TBX22: variants seen among roughly 807,000 people sequenced by gnomAD.
TBX22 encodes T-box transcription factor TBX22.
In TBX22, 8 loss-of-function variants were observed where a neutral mutation model predicts 30.1. That is an observed-to-expected ratio of 0.27 (90% CI 0.16 to 0.48). The LOEUF (loss-of-function observed/expected upper bound fraction) is 0.48. Ranked by LOEUF, TBX22 falls within the 20% of genes least tolerant of loss-of-function variation. TBX22 has a pLI of 0.99. For missense variants in TBX22, 463 were observed against 400.5 expected (o/e 1.16, Z -1.33); for synonymous variants, 173 against 149.1 (o/e 1.16, Z -1.17).
chrX:80,017,005 C>CAAAAAAA (rs1270817239), intron 1 of TBX22, among the ~76,000 whole-genome samples: 6 of 29,274 alleles, frequency 2.0e-4, no homozygotes, highest in East Asian at 1.4e-3. Flanking sequence ...GATTCTGTCT[C>CAAAAAAA]AAAAAAAAAA....
At chrX:80,022,782 A>G (rs1306931444) in intron 2 of TBX22, 3 of 404,128 alleles carry the variant, frequency 7.4e-6, no homozygotes, top group Admixed American at 4.4e-5. Context: ...AGTCTCGGTT[A>G]TCAACGTCTC....
intron 5 of TBX22, 140 bp from the exon 6 acceptor site, chrX:80,026,564 G>A: frequency 1.6e-6 from 1 of 638,430 alleles, no homozygotes; most frequent in East Asian, 3.3e-5. Flanking sequence ...CTCTGTTGGA[G>A]GCCAAATGGC....
At chrX:80,022,683 T>A in intron 2 of TBX22, 2 of 439,090 alleles carry the variant, frequency 4.6e-6, no homozygotes, top group East Asian at 3.8e-5. Flanking sequence ...ATCCTCCTCC[T>A]ACCTTCGCGG....
At position 80,028,934 on chromosome X, in the gene TBX22, T is replaced by C. The variant is rs751294968; in HGVS notation, c.949+858T>C. On this transcript the variant is annotated intron_variant, in intron 8 of 8. Transcript: ENST00000373296. ...GAAATATTTCACTGGAATGGCTGTCTTGATGTGGTTTAGGGAATTGCATGA... is the reference window on the plus strand; with the variant it reads ...GAAATATTTCACTGGAATGGCTGTCCTGATGTGGTTTAGGGAATTGCATGA... 4.0e-5 allele frequency among the ~76,000 whole-genome samples: 4 copies of C among 99,880 alleles called. No individual in the cohort carries two copies. In the South Asian group the frequency reaches 2.0e-3, roughly 50 times the overall value. The allele number at this position is 99,880 out of a possible 115,157, so 86.7% of individuals were successfully genotyped here.
At chrX:80,023,922 T>A in intron 3 of TBX22, 141 bp from the exon 4 acceptor site, 1 of 539,674 alleles carries the variant, frequency 1.9e-6, no homozygotes, top group Non-Finnish European at 3.2e-6. Flanking sequence ...ATGTAGCAAA[T>A]GCTATTCCTT....
rs760626449 is a variant in TBX22 at position 80,025,559 on chromosome X, G to C, written c.459-44G>C. The C allele has an allele frequency of 1.3e-5, 15 of 1,124,074 alleles. No individual in the cohort carries two copies. The South Asian group carries it at 2.7e-4, about 20-fold the overall frequency. 92.6% of individuals were successfully genotyped at this position (1,124,074 alleles called of 1,213,427 possible). A position where few individuals can be genotyped will look rare whatever the true frequency, so the allele number is the denominator to read the frequency against. On this transcript the variant is annotated intron_variant, in intron 4 of 8. Coordinates refer to ENST00000373296, the MANE Select transcript of TBX22 (RefSeq NM_001109878.2). ...CAGGAACAGAACACAACAGCTCCCA[G>C]CTTTGGCCTGCTGCACCTAATGCCA... is the stretch of plus-strand genomic sequence containing the variant.
rs773703001 is a variant in TBX22, at chrX:80,022,359, G to A, written c.90G>A (p.Ala30=). The stretch of plus-strand genomic sequence containing the variant: ...GAAAACTCCAAGACCCAATACAGGC[G>A]GAGCAGCCTGAGCTGCGGGAGAAAA... The part of the protein sequence containing the change: ...SKRKLQDPIQ[A]EQPELREKKG... The change falls in exon 2 of 9, where the codon GCG becomes GCA. Residue 30 remains alanine, a synonymous_variant. Coordinates refer to ENST00000373296, the MANE Select transcript of TBX22 (RefSeq NM_001109878.2). 6.6e-6 allele frequency: 8 copies of A among 1,210,448 alleles called. No individual in the cohort carries two copies. The South Asian group carries it at 8.8e-5, about 13-fold the overall frequency.
At chrX:80,026,994 A>G (rs1040052594) in intron 6 of TBX22, 126 bp downstream of exon 6, 61 of 727,164 alleles carry the variant, frequency 8.4e-5, no homozygotes, top group Non-Finnish European at 1.1e-4. Context: ...GTTTTATTGT[A>G]TTGTCATCCA....
intron 2 of TBX22, 87 bp from the exon 3 acceptor site, chrX:80,022,973 G>A: frequency 5.1e-6 from 5 of 978,283 alleles, no homozygotes; most frequent in Non-Finnish European, 4.3e-6. Context: ...ACAAGGCCCT[G>A]TCTGCTCCAA....
At chrX:80,018,265 C>T (rs768859090) in intron 1 of TBX22, among the ~76,000 whole-genome samples, 21 of 112,006 alleles carry the variant, frequency 1.9e-4, no homozygotes, top group Non-Finnish European at 3.4e-4. Flanking sequence ...TTTATCTAAT[C>T]ATATAAGAAC....
At chrX:80,022,068 A>AC (rs1569297402) in intron 1 of TBX22, among the ~76,000 whole-genome samples, 200 bp from the exon 2 acceptor site, 5 of 106,500 alleles carry the variant, frequency 4.7e-5, no homozygotes, top group Non-Finnish European at 9.7e-5. Flanking sequence ...ACACACACAC[A>AC]ATTATTTTCT....
intron 1 of TBX22, among the ~76,000 whole-genome samples, chrX:80,015,353 C>T (rs1923384095): frequency 8.9e-6 from 1 of 112,009 alleles, no homozygotes; most frequent in African/African-American, 3.2e-5. Flanking sequence ...AGCTGAGTGG[C>T]AGGTGTCTAA....
At chrX:80,028,176 C>G (rs1038670001) in intron 8 of TBX22, 100 bp downstream of exon 8, 2 of 723,376 alleles carry the variant, frequency 2.8e-6, no homozygotes, top group African/African-American at 4.3e-5. Context: ...TATGTACATG[C>G]AAGAAAATGT....
Position 80,030,860 on chromosome X carries a change from A to G in TBX22, c.1312A>G (p.Asn438Asp), listed in dbSNP as rs761055625. 4 of 1,211,829 alleles carry G rather than the reference A, an allele frequency of 3.3e-6. No individual in the cohort carries two copies. The highest frequency in any genetic ancestry group is 4.5e-6 in the Non-Finnish European group (4 of 895,481). Residue 438 changes from asparagine to aspartate, a missense_variant, in exon 9 of 9, where the codon AAT becomes GAT. Coordinates refer to ENST00000373296, the MANE Select transcript of TBX22 (RefSeq NM_001109878.2). Reference sequence around the variant, plus strand: ...CAGTGATCAGTATCTACAAGCACCTAATTCTACCAATCAAATGTTATATGG... The same window carrying G: ...CAGTGATCAGTATCTACAAGCACCTGATTCTACCAATCAAATGTTATATGG... Reference protein sequence around the residue: ...DSSDQYLQAPNSTNQMLYGLQ... With the variant: ...DSSDQYLQAPDSTNQMLYGLQ...
At chrX:80,029,602 T>G (rs1030975207) in intron 8 of TBX22, among the ~76,000 whole-genome samples, 2 of 112,347 alleles carry the variant, frequency 1.8e-5, no homozygotes, top group African/African-American at 6.5e-5. Context: ...GTTCACTAAT[T>G]TTTTAAATCA....
At chrX:80,024,867 C>A (rs903365274) in intron 4 of TBX22, among the ~76,000 whole-genome samples, 11 of 110,755 alleles carry the variant, frequency 9.9e-5, no homozygotes, top group Non-Finnish European at 2.1e-4. Flanking sequence ...GGCTTGGGGT[C>A]CAGTTCAGGG....
intron 1 of TBX22, among the ~76,000 whole-genome samples, chrX:80,015,408 T>C (rs1923387427): frequency 8.9e-6 from 1 of 112,202 alleles, no homozygotes; most frequent in Admixed American, 9.4e-5. Flanking sequence ...AGTGGTACTT[T>C]CTACCGAGGC....
chrX:80,015,085 G>A (rs1311009804), intron 1 of TBX22, among the ~76,000 whole-genome samples, 198 bp downstream of exon 1: 4 of 110,931 alleles, frequency 3.6e-5, no homozygotes, highest in Admixed American at 9.5e-5. Flanking sequence ...ACTACTTCTC[G>A]GGGGACTGGA....
intron 1 of TBX22, among the ~76,000 whole-genome samples, chrX:80,016,790 G>A (rs1264897407): frequency 2.7e-5 from 3 of 110,616 alleles, no homozygotes; most frequent in Non-Finnish European, 5.7e-5. Context: ...CAGATCACCT[G>A]AGGTCAGGAG....
Sources: allele counts gnomAD v4.1 joint callset (sites outside exome capture counted in the v4.1 genomes callset), GRCh38; gene constraint gnomAD v4.1.1; transcripts MANE v1.5; gene names NCBI Gene and HGNC (gene_info 2026-07-23, HGNC 2026-07-21).